SLC10A7: variants seen among roughly 807,000 people sequenced by gnomAD.
SLC10A7 encodes the protein sodium/bile acid cotransporter 7.
A neutral mutation model predicts 43.2 loss-of-function variants in SLC10A7; 29 were observed. The observed-to-expected ratio is 0.67, with a 90% CI of 0.50 to 0.92. The LOEUF (loss-of-function observed/expected upper bound fraction) is 0.92, where lower values mean the gene tolerates loss of function less well. SLC10A7 is among the 40% of genes least tolerant of loss of function. The pLI is 0.00. For missense variants in SLC10A7, 295 were observed against 403.2 expected (o/e 0.73, Z 2.30); for synonymous variants, 152 against 144.8 (o/e 1.05, Z -0.35).
chr4:146,357,342 T>C (rs1735730901), intron 5 of SLC10A7, among the ~76,000 whole-genome samples: 1 of 152,206 alleles, frequency 6.6e-6, no homozygotes, highest in African/African-American at 2.4e-5. Context: ...TGTATATATG[T>C]GCATGATAAA....
At chr4:146,365,006 G>T (rs1736298713) in intron 5 of SLC10A7, among the ~76,000 whole-genome samples, 1 of 152,048 alleles carries the variant, frequency 6.6e-6, no homozygotes, top group Admixed American at 6.6e-5. Flanking sequence ...AGAGTATCTA[G>T]TGAGACAGAC....
intron 7 of SLC10A7, among the ~76,000 whole-genome samples, chr4:146,294,639 G>T (rs1730658805): frequency 6.6e-6 from 1 of 152,204 alleles, no homozygotes; most frequent in Admixed American, 6.5e-5. Flanking sequence ...TGCATGTGTT[G>T]TGGGAGTTTA....
In SLC10A7 at chr4:146,351,252, T is replaced by C. The variant is rs895667946; in HGVS notation, c.436-25256A>G. Among the ~76,000 whole-genome samples the C allele has an allele frequency of 3.5e-3, 516 of 149,342 alleles. 8 individuals are homozygous for C. Among genetic ancestry groups the C allele is most frequent in the African/African-American group, 0.012 (470 of 39,612 alleles). ...TGAAGAATGCAGAAGCCTCAGGAGC[T>C]GATACGATCAACTGGAAGAAAGGGT... On this transcript the variant is annotated intron_variant, in intron 5 of 11. Transcript: ENST00000335472.
At chr4:146,421,828 A>G (rs1474906967) in intron 5 of SLC10A7, among the ~76,000 whole-genome samples, 2 of 152,082 alleles carry the variant, frequency 1.3e-5, no homozygotes, top group African/African-American at 2.4e-5. Flanking sequence ...GCTGTTCTCA[A>G]TTTTCAAGAT....
intron 4 of SLC10A7, among the ~76,000 whole-genome samples, chr4:146,488,500 A>G (rs9995307): frequency 0.78 from 118,499 of 151,902 alleles, 46,558 homozygotes; most frequent in East Asian, 0.95. Flanking sequence ...TTAAGGAGGG[A>G]AAAAAAATGA....
At chr4:146,402,638 G>A (rs1340960207) in intron 5 of SLC10A7, among the ~76,000 whole-genome samples, 4 of 152,156 alleles carry the variant, frequency 2.6e-5, no homozygotes, top group African/African-American at 9.7e-5. Context: ...AGGGGGCAGG[G>A]GGACAGGAAT....
intron 4 of SLC10A7, among the ~76,000 whole-genome samples, chr4:146,480,268 T>A (rs1734358443): frequency 6.6e-6 from 1 of 152,160 alleles, no homozygotes; most frequent in South Asian, 2.1e-4. Context: ...TCAGTGTAGT[T>A]CCAATGTTAA....
intron 9 of SLC10A7, among the ~76,000 whole-genome samples, chr4:146,286,651 C>T (rs75456032): frequency 3.1e-4 from 30 of 98,154 alleles, no homozygotes; most frequent in South Asian, 7.6e-4. Context: ...TGAGAAGGAC[C>T]GTGTCTGGAG....
intron 5 of SLC10A7, among the ~76,000 whole-genome samples, chr4:146,390,262 T>TA (rs1738326761): frequency 6.6e-6 from 1 of 152,200 alleles, no homozygotes; most frequent in Non-Finnish European, 1.5e-5. Flanking sequence ...TGTAGTACTG[T>TA]AAAGCTAATA....
At chr4:146,375,180 T>G (rs371612747) in intron 5 of SLC10A7, among the ~76,000 whole-genome samples, 14 of 152,286 alleles carry the variant, frequency 9.2e-5, no homozygotes, top group African/African-American at 2.6e-4. Context: ...CACTCCGGCC[T>G]GGGTGACAGA....
intron 10 of SLC10A7, among the ~76,000 whole-genome samples, chr4:146,270,662 C>T (rs191021264): frequency 1.1e-3 from 162 of 152,218 alleles, no homozygotes; most frequent in African/African-American, 3.5e-3. Flanking sequence ...TCTGGTATTG[C>T]GGTGGAGTCA....
At chr4:146,414,960 GA>G (rs1174791203) in intron 5 of SLC10A7, among the ~76,000 whole-genome samples, 1 of 151,896 alleles carries the variant, frequency 6.6e-6, no homozygotes, top group Non-Finnish European at 1.5e-5. Flanking sequence ...GAAAACAACA[GA>G]AAAAAATTAA....
intron 10 of SLC10A7, among the ~76,000 whole-genome samples, chr4:146,277,405 T>A (rs971388469): frequency 6.6e-6 from 1 of 152,182 alleles, no homozygotes; most frequent in South Asian, 2.1e-4. Flanking sequence ...CAAAAATAGT[T>A]CAAAAATCTC....
intron 7 of SLC10A7, among the ~76,000 whole-genome samples, chr4:146,303,806 C>A (rs1426586439): frequency 6.6e-6 from 1 of 152,142 alleles, no homozygotes; most frequent in African/African-American, 2.4e-5. Context: ...GGTTCTATGA[C>A]AAGAAGTTTA....
At chr4:146,309,608 T>A (rs1174066361) in intron 6 of SLC10A7, among the ~76,000 whole-genome samples, 3 of 152,138 alleles carry the variant, frequency 2.0e-5, no homozygotes, top group South Asian at 2.1e-4. Context: ...AATTAGTGAA[T>A]GACTGTAATA....
intron 4 of SLC10A7, among the ~76,000 whole-genome samples, chr4:146,443,190 T>C (rs1192407366): frequency 1.4e-5 from 2 of 146,738 alleles, no homozygotes; most frequent in Admixed American, 6.9e-5. Context: ...TGTATATTAT[T>C]GGAAGAAGGA....
At chr4:146,309,847 G>T (rs899335886) in intron 6 of SLC10A7, among the ~76,000 whole-genome samples, 2 of 152,026 alleles carry the variant, frequency 1.3e-5, no homozygotes, top group African/African-American at 4.8e-5. Flanking sequence ...GATTCAGGGG[G>T]TACACGTGCA....
intron 5 of SLC10A7, among the ~76,000 whole-genome samples, chr4:146,340,075 C>T (rs1578926568): frequency 6.6e-6 from 1 of 151,540 alleles, no homozygotes; most frequent in Admixed American, 6.6e-5. Context: ...ACCAATGACA[C>T]CAATTTTAAA....
intron 5 of SLC10A7, among the ~76,000 whole-genome samples, chr4:146,423,057 A>G (rs1036446421): frequency 6.6e-5 from 10 of 152,206 alleles, no homozygotes; most frequent in Admixed American, 2.0e-4. Context: ...ACAATTGTGT[A>G]TAAAAATATA....
Sources: allele counts gnomAD v4.1 joint callset (sites outside exome capture counted in the v4.1 genomes callset), GRCh38; gene constraint gnomAD v4.1.1; transcripts MANE v1.5; gene names NCBI Gene and HGNC (gene_info 2026-07-23, HGNC 2026-07-21).